ERBB4: variants seen among roughly 807,000 people sequenced by gnomAD.
The protein encoded by ERBB4 is receptor tyrosine-protein kinase erbB-4.
ERBB4 carries 42 observed loss-of-function variants against 158.0 expected under a neutral mutation model. That is an observed-to-expected ratio of 0.27 (90% CI 0.21 to 0.34). The LOEUF (loss-of-function observed/expected upper bound fraction) is 0.34. Ranked by LOEUF, ERBB4 falls within the 10% of genes least tolerant of loss-of-function variation. ERBB4 has a pLI of 1.00. For synonymous variants in ERBB4, 583 were observed against 558.7 expected (o/e 1.04, Z -0.61); for missense variants, 1,333 against 1,624.1 (o/e 0.82, Z 3.08).
intron 9 of ERBB4, among the ~76,000 whole-genome samples, chr2:211,708,090 T>G (rs1170728018): frequency 2.0e-5 from 3 of 151,830 alleles, no homozygotes; most frequent in Non-Finnish European, 4.4e-5. Flanking sequence ...ATCTCTATCT[T>G]TATACACACA....
intron 1 of ERBB4, among the ~76,000 whole-genome samples, chr2:212,411,536 C>T (rs1469132808): frequency 2.0e-5 from 3 of 152,152 alleles, no homozygotes; most frequent in Non-Finnish European, 4.4e-5. Context: ...CTAGAATATG[C>T]GTCTACCTCT....
intron 20 of ERBB4, among the ~76,000 whole-genome samples, chr2:211,449,802 C>A (rs1206771999): frequency 6.6e-6 from 1 of 152,044 alleles, no homozygotes; most frequent in Admixed American, 6.5e-5. Context: ...AAGTTACAGG[C>A]CTGGATATAA....
chr2:212,086,156 G>T (rs2125480425), intron 2 of ERBB4, among the ~76,000 whole-genome samples: 1 of 151,876 alleles, frequency 6.6e-6, no homozygotes, highest in Admixed American at 6.6e-5. Context: ...TTTTACTTTG[G>T]GTATCTTAAC....
At position 212,107,313 on chromosome 2, in the gene ERBB4, CT is replaced by C. The variant is rs1165854265; in HGVS notation, c.234+17438del. Among the ~76,000 whole-genome samples the C allele has an allele frequency of 8.6e-5, 13 of 151,604 alleles. No individual in the cohort carries two copies. The East Asian group carries it at 2.1e-3, about 25-fold the overall frequency. On this transcript the variant is annotated intron_variant, in intron 2 of 27. Coordinates refer to ENST00000342788, the MANE Select transcript of ERBB4 (RefSeq NM_005235.3). ...TATGAGACATGGAGTCAAAGGAGATCTTTTTTTTTGGAGCTTTAAGATTTGG... is the reference window on the plus strand; with the variant it reads ...TATGAGACATGGAGTCAAAGGAGATCTTTTTTTTGGAGCTTTAAGATTTGG...
chr2:212,441,896 T>C (rs749581302), intron 1 of ERBB4, among the ~76,000 whole-genome samples: 5 of 152,320 alleles, frequency 3.3e-5, no homozygotes, highest in Admixed American at 1.3e-4. Context: ...CCAGAAGATA[T>C]ATCCTTGACA....
chr2:211,566,342 T>C (rs1038033677), intron 19 of ERBB4, among the ~76,000 whole-genome samples: 13 of 152,196 alleles, frequency 8.5e-5, no homozygotes, highest in South Asian at 2.1e-4. Flanking sequence ...AGACTGCAGC[T>C]GGAAGGCCAG....
intron 1 of ERBB4, among the ~76,000 whole-genome samples, chr2:212,362,295 G>A (rs566514966): frequency 6.6e-6 from 1 of 151,376 alleles, no homozygotes; most frequent in Non-Finnish European, 1.5e-5. Context: ...AATTTAAAAA[G>A]GAATGGCCAA....
At chr2:212,516,917 CAGA>C (rs1394756459) in intron 1 of ERBB4, among the ~76,000 whole-genome samples, 1 of 152,108 alleles carries the variant, frequency 6.6e-6, no homozygotes, top group Non-Finnish European at 1.5e-5. Flanking sequence ...AATGTCTATG[CAGA>C]ATGAACTGAA....
At chr2:211,900,373 AACACACAC>A (rs72160363) in intron 3 of ERBB4, among the ~76,000 whole-genome samples, 37 of 148,716 alleles carry the variant, frequency 2.5e-4, no homozygotes, top group African/African-American at 7.6e-4. Flanking sequence ...TTTATGTTTA[AACACACAC>A]ACACACACAC....
rs934526664 is a variant in ERBB4, at chr2:211,630,879, T to G, written c.1947-285A>C. On this transcript the variant is annotated intron_variant, in intron 16 of 27. Coordinates refer to ENST00000342788, the MANE Select transcript of ERBB4 (RefSeq NM_005235.3). ...CATTTGATGAAAAAAATGTAAAACT[T>G]GCTAGCAGTATGAAAAACATATGCC... Among the ~76,000 whole-genome samples the G allele has an allele frequency of 1.6e-4, 25 of 152,150 alleles. 1 individual carries two copies. The highest frequency in any genetic ancestry group is 6.0e-4 in the African/African-American group (25 of 41,436).
intron 2 of ERBB4, among the ~76,000 whole-genome samples, chr2:212,115,253 A>T (rs1250984605): frequency 6.6e-6 from 1 of 152,074 alleles, no homozygotes; most frequent in Admixed American, 6.5e-5. Flanking sequence ...TGATCCTTAA[A>T]TTATACTCTA....
chr2:212,220,597 T>C (rs759101807), intron 1 of ERBB4, among the ~76,000 whole-genome samples: 1 of 151,420 alleles, frequency 6.6e-6, no homozygotes, highest in Non-Finnish European at 1.5e-5. Context: ...GTTCCCATCT[T>C]GTTTGAGATG....
At chr2:211,889,329 G>A (rs1414948002) in intron 3 of ERBB4, among the ~76,000 whole-genome samples, 2 of 145,620 alleles carry the variant, frequency 1.4e-5, no homozygotes. Flanking sequence ...CAGACCTGCA[G>A]CTGAGGGTCC....
chr2:211,791,535 G>A (rs958839522), intron 3 of ERBB4, among the ~76,000 whole-genome samples: 2 of 151,810 alleles, frequency 1.3e-5, no homozygotes, highest in Non-Finnish European at 3.0e-5. Context: ...TGTTGAATGC[G>A]TGAATGAGTT....
intron 2 of ERBB4, among the ~76,000 whole-genome samples, chr2:212,050,248 C>T (rs1171751837): frequency 6.6e-6 from 1 of 152,062 alleles, no homozygotes; most frequent in Non-Finnish European, 1.5e-5. Context: ...AGAAAACTTT[C>T]TGGCAAAGTT....
At chr2:211,612,606 A>C (rs2069240992) in intron 19 of ERBB4, among the ~76,000 whole-genome samples, 1 of 152,038 alleles carries the variant, frequency 6.6e-6, no homozygotes, top group African/African-American at 2.4e-5. Flanking sequence ...GGGGAGTGGA[A>C]AGAAAGTCAG....
intron 2 of ERBB4, among the ~76,000 whole-genome samples, chr2:212,071,327 C>G (rs1242803582): frequency 1.4e-5 from 2 of 147,634 alleles, no homozygotes; most frequent in Admixed American, 1.4e-4. Context: ...AAAAAAAAAC[C>G]CACTCAGAAA....
In ERBB4 at chr2:211,828,048, T is replaced by C. The variant is rs115520601; in HGVS notation, c.422-39889A>G. Among the ~76,000 whole-genome samples, 587 of 152,264 alleles carry C rather than the reference T, an allele frequency of 3.9e-3. 3 individuals carry two copies. The highest frequency in any genetic ancestry group is 0.013 in the African/African-American group (558 of 41,572). On this transcript the variant is annotated intron_variant, in intron 3 of 27. Coordinates refer to ENST00000342788, the MANE Select transcript of ERBB4 (RefSeq NM_005235.3). Reference sequence around the variant, plus strand: ...ATCTGTATTGTGTTTATTCCAGGACTCCAGATTAATGTTAATCTGTAGGAT... The same window carrying C: ...ATCTGTATTGTGTTTATTCCAGGACCCCAGATTAATGTTAATCTGTAGGAT...
intron 20 of ERBB4, among the ~76,000 whole-genome samples, chr2:211,457,218 C>T (rs536367944): frequency 6.6e-6 from 1 of 152,210 alleles, no homozygotes; most frequent in Admixed American, 6.5e-5. Context: ...ACGGCCAATA[C>T]ATTATGGTTA....
Sources: gnomAD v4.1 joint callset for allele counts (sites outside exome capture counted in the v4.1 genomes callset) on GRCh38, gnomAD v4.1.1 for gene constraint, MANE v1.5 for transcripts, NCBI Gene and HGNC (gene_info 2026-07-23, HGNC 2026-07-21) for gene names.